The following DCAF17 variants were observed in gnomAD, a reference collection of about 807,000 sequenced individuals.
The protein encoded by DCAF17 is DDB1- and CUL4-associated factor 17.
A neutral mutation model predicts 66.0 loss-of-function variants in DCAF17; 48 were observed. That is an observed-to-expected ratio of 0.73 (90% confidence interval 0.58 to 0.92). DCAF17 has a LOEUF of 0.92. Among genes scored for constraint, DCAF17 ranks in the 40% least tolerant of loss-of-function variants. The probability of loss-of-function intolerance (pLI) is 0.00; values close to 1 mark genes in which losing one functional copy is unlikely to be tolerated. For missense variants in DCAF17, 562 were observed against 622.8 expected, an observed-to-expected ratio of 0.90 and a Z score of 1.04; for synonymous variants, 206 against 214.6, an observed-to-expected ratio of 0.96 and a Z score of 0.35.
Position 171,434,447 on chromosome 2 carries a change from G to C in DCAF17, c.-131G>C. 4.1e-6 allele frequency: 6 copies of C among 1,479,670 alleles called. No homozygotes were observed. The highest frequency in any genetic ancestry group is 5.4e-6 in the Non-Finnish European group (6 of 1,101,270). The allele number at this position is 1,479,670 out of a possible 1,614,324, so 91.7% of individuals were successfully genotyped here. The stretch of plus-strand genomic sequence containing the variant: ...GGGTGCTCCCTGCCCGCCTCCCCGT[G>C]TCAGCTTTCCCTGGGCCCCGCCGGG... On this transcript the variant is annotated 5_prime_UTR_variant, in exon 1 of 14. Coordinates refer to ENST00000375255, the MANE Select transcript of DCAF17 (RefSeq NM_025000.4).
chr2:171,476,415 T>C (rs1696499703), intron 10 of DCAF17, among the ~76,000 whole-genome samples: 1 of 152,226 alleles, frequency 6.6e-6, no homozygotes, highest in South Asian at 2.1e-4. Flanking sequence ...TAGATTTAAT[T>C]GCTGATTGAA....
In DCAF17 at chr2:171,484,667, T is replaced by G. The variant is rs1696879674; in HGVS notation, c.*3553T>G. 2.2e-6 allele frequency: 1 copy of G among 454,076 alleles called. No individual in the cohort carries two copies. The highest frequency in any genetic ancestry group is 1.6e-5 in the South Asian group (1 of 64,460). The allele number at this position is 454,076 out of a possible 1,614,324, so 28.1% of individuals were successfully genotyped here. The stretch of plus-strand genomic sequence containing the variant: ...CTGAGTTCTTGCAGACATATACACC[T>G]GTGTAACCCAAACCCTTTCCAAAAT... On this transcript the variant is annotated 3_prime_UTR_variant, in exon 14 of 14. Coordinates refer to ENST00000375255, the MANE Select transcript of DCAF17 (RefSeq NM_025000.4).
chr2:171,482,040 G>T lies in DCAF17; in HGVS notation c.*926G>T, dbSNP rs62183509. 1.2e-4 allele frequency: 55 copies of T among 453,872 alleles called. No individual in the cohort carries two copies. Among genetic ancestry groups the T allele is most frequent in the Non-Finnish European group, 2.2e-4 (49 of 226,728 alleles). The allele number at this position is 453,872 out of a possible 1,614,324, so 28.1% of individuals were successfully genotyped here. A position where few individuals can be genotyped will look rare whatever the true frequency, so the allele number is the denominator to read the frequency against. On this transcript the variant is annotated 3_prime_UTR_variant, in exon 14 of 14. Coordinates refer to ENST00000375255, the MANE Select transcript of DCAF17 (RefSeq NM_025000.4). ...CTTGGGAGTTACCTGATTAACCAGA[G>T]AAAATTTTTGGCTTACTTATGGAAC...
intron 4 of DCAF17, 85 bp from the exon 5 acceptor site, chr2:171,449,794 A>G: frequency 3.6e-6 from 3 of 831,508 alleles, no homozygotes; most frequent in Non-Finnish European, 5.5e-6. Context: ...ACTAAAAAAT[A>G]GTTTACTTAT....
At chr2:171,456,954 A>G (rs1695294183) in intron 6 of DCAF17, among the ~76,000 whole-genome samples, 1 of 152,192 alleles carries the variant, frequency 6.6e-6, no homozygotes, top group African/African-American at 2.4e-5. Flanking sequence ...CTTTCTTCCT[A>G]TTTGAATGCC....
At chr2:171,450,944 C>CT (rs760427034) in intron 5 of DCAF17, among the ~76,000 whole-genome samples, 9 of 151,978 alleles carry the variant, frequency 5.9e-5, no homozygotes, top group Non-Finnish European at 1.3e-4. Context: ...GGCAGTTTAG[C>CT]TCTAGAGTCC....
chr2:171,439,826 G>A (rs1694201740), intron 2 of DCAF17, among the ~76,000 whole-genome samples: 1 of 152,088 alleles, frequency 6.6e-6, no homozygotes, highest in Non-Finnish European at 1.5e-5. Flanking sequence ...TACTCCAGAG[G>A]CCAAGGCAGA....
rs774610171 is a variant in DCAF17 at position 171,481,117 on chromosome 2, A to G, written c.*3A>G. 1.3e-5 allele frequency: 21 copies of G among 1,613,404 alleles called. 1 individual carries two copies. The South Asian group carries it at 2.3e-4, about 18-fold the overall frequency. ...AAACCATAAACAGAAGCTGTTAAAA[A>G]GAGTGAGATAATTGTAACCTAAGAG... On this transcript the variant is annotated 3_prime_UTR_variant, in exon 14 of 14. Coordinates refer to ENST00000375255, the MANE Select transcript of DCAF17 (RefSeq NM_025000.4).
intron 1 of DCAF17, 119 bp downstream of exon 1, chr2:171,434,822 G>A (rs374188707): frequency 1.4e-6 from 2 of 1,391,048 alleles, no homozygotes; most frequent in East Asian, 2.6e-5. Context: ...ATGTGATGGG[G>A]AGGAGGATAC....
At position 171,443,684 on chromosome 2, in the gene DCAF17, A is replaced by T. The variant is rs1188170380; in HGVS notation, c.321+71A>T. On this transcript the variant is annotated intron_variant, in intron 3 of 13. Coordinates refer to ENST00000375255, the MANE Select transcript of DCAF17 (RefSeq NM_025000.4). ...TAGAAGAACCAGTTATTATTAACATATTGCATAAAATAATACAACTTAAAT... is the reference window on the plus strand; with the variant it reads ...TAGAAGAACCAGTTATTATTAACATTTTGCATAAAATAATACAACTTAAAT... The T allele has an allele frequency of 2.5e-6, 3 of 1,211,808 alleles. No homozygotes were observed. The East Asian group carries it at 7.1e-5, about 29-fold the overall frequency. 75.1% of individuals were successfully genotyped at this position (1,211,808 alleles called of 1,614,324 possible). A position where few individuals can be genotyped will look rare whatever the true frequency, so the allele number is the denominator to read the frequency against.
chr2:171,454,968 T>A (rs1238739419), intron 6 of DCAF17, among the ~76,000 whole-genome samples: 2 of 151,890 alleles, frequency 1.3e-5, no homozygotes, highest in African/African-American at 2.4e-5. Context: ...CTTTATATAT[T>A]TTCTTTTTTT....
At chr2:171,474,419 T>C (rs1696401036) in intron 10 of DCAF17, 1 of 173,888 alleles carries the variant, frequency 5.8e-6, no homozygotes, top group African/African-American at 2.4e-5. Context: ...ACACTTCTCA[T>C]TTGTCATCCC....
rs748137212 is a variant in DCAF17 at position 171,434,270 on chromosome 2, G to C, written c.-308G>C. 1.9e-6 allele frequency: 1 copy of C among 535,590 alleles called. No individual in the cohort carries two copies. Among genetic ancestry groups the C allele is most frequent in the East Asian group, 4.6e-5 (1 of 21,538 alleles). 33.2% of individuals were successfully genotyped at this position (535,590 alleles called of 1,614,324 possible). On this transcript the variant is annotated 5_prime_UTR_variant, in exon 1 of 14. Coordinates refer to ENST00000375255, the MANE Select transcript of DCAF17 (RefSeq NM_025000.4). ...CGAGGCACTAGGAACTACATTTCCC[G>C]GTGAGAGAGCGGCTCCGGCCGGCCG...
intron 2 of DCAF17, 110 bp downstream of exon 2, chr2:171,435,296 A>G: frequency 1.2e-6 from 1 of 841,292 alleles, no homozygotes; most frequent in Non-Finnish European, 2.0e-6. Context: ...GAATGAAAAA[A>G]ATGGGTCCGA....
In DCAF17 at chr2:171,443,603, A is replaced by C; in HGVS notation, c.311A>C (p.Glu104Ala). The change falls in exon 3 of 14, where the codon GAA becomes GCA. Residue 104 changes from glutamate (E) to alanine (A), a missense_variant. By Grantham distance (107) the Glu-to-Ala change is moderately radical. This residue lies in a region of DCAF17 where 348 missense variants were observed against 355.9 expected (regional missense o/e 0.98). Transcript: ENST00000375255. The stretch of plus-strand genomic sequence containing the variant: ...AAAATAGAGGATGCTTTATTATGGG[A>C]ATGCCCAGTGGTAAGATTTGTTTTT... The part of the protein sequence containing the change: ...SEKIEDALLW[E>A]CPVGDILPNS... The C allele has an allele frequency of 6.2e-7, 1 of 1,612,894 alleles. No individual in the cohort carries two copies. The highest frequency in any genetic ancestry group is 8.5e-7 in the Non-Finnish European group (1 of 1,179,226).
intron 10 of DCAF17, among the ~76,000 whole-genome samples, chr2:171,475,582 T>C (rs945660653): frequency 1.3e-5 from 2 of 152,082 alleles, no homozygotes; most frequent in African/African-American, 4.8e-5. Flanking sequence ...CTGGGCAACA[T>C]AGTGAGACTT....
At position 171,481,402 on chromosome 2, in the gene DCAF17, T is replaced by G. The variant is rs762387316; in HGVS notation, c.*288T>G. 4.0e-6 allele frequency: 2 copies of G among 501,024 alleles called. No individual in the cohort carries two copies. Among genetic ancestry groups the G allele is most frequent in the South Asian group, 3.1e-5 (2 of 64,842 alleles). 31.0% of individuals were successfully genotyped at this position (501,024 alleles called of 1,614,324 possible). On this transcript the variant is annotated 3_prime_UTR_variant, in exon 14 of 14. Coordinates refer to ENST00000375255, the MANE Select transcript of DCAF17 (RefSeq NM_025000.4). The stretch of plus-strand genomic sequence containing the variant: ...AATGCTGGGAACAGAAAAGGACAGG[T>G]TAATTCCAATTGTTGAGGAGTTAAG...
rs1693570864 is a variant in DCAF17, at chr2:171,434,239, G to A, written c.-339G>A. On this transcript the variant is annotated 5_prime_UTR_variant, in exon 1 of 14. Coordinates refer to ENST00000375255, the MANE Select transcript of DCAF17 (RefSeq NM_025000.4). Reference sequence around the variant, plus strand: ...TGTAGTTCCTGGGAGAAGCCGGGCTGCCTCACGAGGCACTAGGAACTACAT... The same window carrying A: ...TGTAGTTCCTGGGAGAAGCCGGGCTACCTCACGAGGCACTAGGAACTACAT... The A allele has an allele frequency of 4.3e-6, 2 of 461,194 alleles. No individual in the cohort carries two copies. The highest frequency in any genetic ancestry group is 1.6e-5 in the South Asian group (1 of 63,212). The allele number at this position is 461,194 out of a possible 1,614,324, so 28.6% of individuals were successfully genotyped here.
rs746838445 is a variant in DCAF17 at position 171,481,076 on chromosome 2, A to C, written c.1525A>C (p.Thr509Pro). The stretch of plus-strand genomic sequence containing the variant: ...CTATGTTTACCAGATGATATGTGAC[A>C]CTGGGGAAGAAGAAGAAACCATAAA... ...SCYVYQMICD[T>P]GEEEETINRS... is the part of the protein sequence containing the mutation. The change falls in exon 14 of 14, where the codon ACT (threonine) becomes CCT (proline). Residue 509 changes from threonine to proline, a missense_variant. This residue lies in a region of DCAF17 where 201 missense variants were observed against 231.1 expected (regional missense o/e 0.87). Coordinates refer to ENST00000375255, the MANE Select transcript of DCAF17 (RefSeq NM_025000.4). 1.7e-5 allele frequency: 27 copies of C among 1,613,698 alleles called. No homozygotes were observed. Among genetic ancestry groups the C allele is most frequent in the Admixed American group, 5.0e-5 (3 of 59,968 alleles).
Sources: allele counts gnomAD v4.1 joint callset (sites outside exome capture counted in the v4.1 genomes callset), GRCh38; gene constraint gnomAD v4.1.1; regional missense constraint gnomAD v4.1.1; transcripts MANE v1.5; gene names NCBI Gene and HGNC (gene_info 2026-07-23, HGNC 2026-07-21).